CD109: variants seen among roughly 807,000 people sequenced by gnomAD.
The protein encoded by CD109 is CD109 antigen.
CD109 carries 149 observed loss-of-function variants against 165.8 expected under a neutral mutation model. The observed-to-expected ratio is 0.90, with a 90% CI of 0.79 to 1.03. The LOEUF (loss-of-function observed/expected upper bound fraction) is 1.03, where lower values mean the gene tolerates loss of function less well. Among genes scored for constraint, CD109 ranks in the 50% least tolerant of loss-of-function variants. CD109 has a pLI of 0.00. For synonymous variants in CD109, 585 were observed against 592.1 expected (o/e 0.99, Z 0.18); for missense variants, 1,712 against 1,677.8 (o/e 1.02, Z -0.36).
the CD109 span, among the ~76,000 whole-genome samples, chr6:73,686,177 G>T: frequency 1.3e-5 from 2 of 152,164 alleles, no homozygotes; most frequent in African/African-American, 2.4e-5. Flanking sequence ...CTCCAACTAG[G>T]TGCTGTAATC....
At chr6:73,815,669 C>G (rs929371688) in intron 30 of CD109, among the ~76,000 whole-genome samples, 1 of 152,026 alleles carries the variant, frequency 6.6e-6, no homozygotes, top group Non-Finnish European at 1.5e-5. Context: ...TAAGTTGACT[C>G]TTAAATTGTT....
chr6:73,813,114 C>G (rs2150303433), intron 29 of CD109, among the ~76,000 whole-genome samples: 1 of 152,194 alleles, frequency 6.6e-6, no homozygotes, highest in African/African-American at 2.4e-5. Flanking sequence ...GATTATTTTG[C>G]ATTATTCTCA....
At chr6:73,689,970 T>C in the CD109 span, among the ~76,000 whole-genome samples, 1 of 152,198 alleles carries the variant, frequency 6.6e-6, no homozygotes, top group Admixed American at 6.5e-5. Context: ...CAGTAAACCA[T>C]ACTTACATCA....
rs41265531 is a variant in CD109 at position 73,763,528 on chromosome 6, G to C, written c.998-48G>C. The C allele has an allele frequency of 2.8e-6, 3 of 1,059,970 alleles. No homozygotes were observed. In the South Asian group the frequency reaches 4.5e-5, roughly 16 times the overall value. 65.7% of individuals were successfully genotyped at this position (1,059,970 alleles called of 1,614,324 possible). Reference sequence around the variant, plus strand: ...GAGAGATTTGGTGGATAGAAGCTTTGGGTGAAACATTACTTTTGCTTTCTA... The same window carrying C: ...GAGAGATTTGGTGGATAGAAGCTTTCGGTGAAACATTACTTTTGCTTTCTA... On this transcript the variant is annotated intron_variant, in intron 9 of 32. Transcript: ENST00000287097.
intron 3 of CD109, among the ~76,000 whole-genome samples, chr6:73,728,887 C>T (rs1364971219): frequency 6.6e-6 from 1 of 152,164 alleles, no homozygotes; most frequent in African/African-American, 2.4e-5. Context: ...ATAAATTAAA[C>T]TTTTATTACT....
chr6:73,736,572 A>G lies in CD109; in HGVS notation c.633+64A>G, dbSNP rs534627432. ...GATTTAATTAGGTCAGGTGGGGGAAAATCTCCAAAGTCATTTATACAATGA... is the reference window on the plus strand; with the variant it reads ...GATTTAATTAGGTCAGGTGGGGGAAGATCTCCAAAGTCATTTATACAATGA... On this transcript the variant is annotated intron_variant, in intron 5 of 32. Coordinates refer to ENST00000287097, the MANE Select transcript of CD109 (RefSeq NM_133493.5). 5.1e-5 allele frequency: 73 copies of G among 1,422,306 alleles called. 1 individual carries two copies. The African/African-American group carries it at 8.4e-4, about 16-fold the overall frequency. The allele number at this position is 1,422,306 out of a possible 1,614,324, so 88.1% of individuals were successfully genotyped here. A position where few individuals can be genotyped will look rare whatever the true frequency, so the allele number is the denominator to read the frequency against.
the CD109 span, among the ~76,000 whole-genome samples, chr6:73,685,540 A>C: frequency 6.6e-6 from 1 of 152,208 alleles, no homozygotes; most frequent in Non-Finnish European, 1.5e-5. Flanking sequence ...GGGTTTAAAA[A>C]AATTAAACAA....
At chr6:73,792,834 A>G in intron 23 of CD109, 32 bp downstream of exon 23, 4 of 1,564,292 alleles carry the variant, frequency 2.6e-6, no homozygotes, top group Non-Finnish European at 3.4e-6. Context: ...ATTTGTTCGT[A>G]GAAAAAAATT....
At chr6:73,795,208 A>G (rs1444087004) in intron 23 of CD109, among the ~76,000 whole-genome samples, 1 of 132,342 alleles carries the variant, frequency 7.6e-6, no homozygotes, top group Admixed American at 7.9e-5. Context: ...AGTTTAATAC[A>G]ATAAGGTAAA....
At chr6:73,808,697 T>C (rs1203814587) in intron 26 of CD109, among the ~76,000 whole-genome samples, 1 of 152,096 alleles carries the variant, frequency 6.6e-6, no homozygotes, top group Non-Finnish European at 1.5e-5. Context: ...GCATAGCAAA[T>C]GCTCAAAAAT....
rs772766334 is a variant in CD109, at chr6:73,808,116, T to C, written c.3223T>C (p.Leu1075=). 5.6e-6 allele frequency: 9 copies of C among 1,613,196 alleles called. No homozygotes were observed. The highest frequency in any genetic ancestry group is 3.3e-5 in the Admixed American group (2 of 59,898). Residue 1075 remains leucine, a synonymous_variant, in exon 26 of 33, where the codon TTG becomes CTG. Transcript: ENST00000287097. ...TGATGTGCAAGAGTCTATCCATTTT[T>C]TGGAGTCTGAATTCAGTAGAGGAAT... ...NIDVQESIHF[L]ESEFSRGISD... is the part of the protein sequence containing the mutation.
intron 5 of CD109, among the ~76,000 whole-genome samples, chr6:73,753,334 TATTA>T (rs1773266864): frequency 6.6e-6 from 1 of 152,236 alleles, no homozygotes; most frequent in African/African-American, 2.4e-5. Context: ...CATAAATGGC[TATTA>T]ATTCTCTGAA....
chr6:73,708,692 T>G (rs1052090864), intron 2 of CD109, among the ~76,000 whole-genome samples: 48 of 152,254 alleles, frequency 3.2e-4, no homozygotes, highest in Non-Finnish European at 3.7e-4. Flanking sequence ...ATCGCCATTC[T>G]AACTGGTGTG....
At chr6:73,748,638 C>G (rs1773072059) in intron 5 of CD109, among the ~76,000 whole-genome samples, 1 of 152,200 alleles carries the variant, frequency 6.6e-6, no homozygotes. Flanking sequence ...GTGTTTGGGC[C>G]TCAGCCCTGG....
chr6:73,759,065 A>G, intron 7 of CD109, 37 bp downstream of exon 7: 1 of 1,317,456 alleles, frequency 7.6e-7, no homozygotes, highest in Non-Finnish European at 1.1e-6. Context: ...ACTCAAAACC[A>G]TTATAAAACT....
chr6:73,766,255 G>GTACT, intron 11 of CD109, 101 bp downstream of exon 11: 11 of 858,394 alleles, frequency 1.3e-5, no homozygotes, highest in South Asian at 6.9e-5. Context: ...TACATAGGAA[G>GTACT]TGGACACATG....
chr6:73,688,755 T>C, the CD109 span, among the ~76,000 whole-genome samples: 1 of 138,738 alleles, frequency 7.2e-6, no homozygotes, highest in Non-Finnish European at 1.5e-5. Flanking sequence ...CTGAGAGTTT[T>C]TCTTTGTTTT....
chr6:73,682,776 C>T, the CD109 span, among the ~76,000 whole-genome samples: 2 of 152,218 alleles, frequency 1.3e-5, no homozygotes, highest in Admixed American at 1.3e-4. Context: ...GAAATCTTTC[C>T]CAAGCCTTAA....
intron 22 of CD109, 91 bp from the exon 23 acceptor site, chr6:73,792,535 G>C: frequency 9.6e-7 from 1 of 1,041,800 alleles, no homozygotes. Flanking sequence ...CAATGACAGA[G>C]GTCTTCTGTA....
Sources: gnomAD v4.1 joint callset for allele counts (sites outside exome capture counted in the v4.1 genomes callset) on GRCh38, gnomAD v4.1.1 for gene constraint, MANE v1.5 for transcripts, NCBI Gene and HGNC (gene_info 2026-07-23, HGNC 2026-07-21) for gene names.